LNPEP: variants seen among roughly 807,000 people sequenced by gnomAD.
LNPEP encodes leucyl and cystinyl aminopeptidase.
In LNPEP, 64 loss-of-function variants were observed where a neutral mutation model predicts 120.6. The ratio of observed to expected loss-of-function variants is 0.53; its 90% confidence interval spans 0.43 to 0.65. LNPEP has a LOEUF of 0.65. LNPEP is among the 30% of genes least tolerant of loss of function. The pLI, the probability that LNPEP is intolerant of heterozygous loss-of-function variation, is 0.00. For synonymous variants in LNPEP, 435 were observed against 425.4 expected, an observed-to-expected ratio of 1.02 and a Z score of -0.28; for missense variants, 1,057 against 1,200.0, an observed-to-expected ratio of 0.88 and a Z score of 1.76.
intron 11 of LNPEP, among the ~76,000 whole-genome samples, chr5:97,012,383 T>A (rs914788399): frequency 6.6e-6 from 1 of 152,218 alleles, no homozygotes; most frequent in African/African-American, 2.4e-5. Flanking sequence ...AAAATTTTTT[T>A]AAGTATTTGT....
At chr5:97,002,023 CA>C (rs1790664681) in intron 8 of LNPEP, among the ~76,000 whole-genome samples, 1 of 152,100 alleles carries the variant, frequency 6.6e-6, no homozygotes, top group Non-Finnish European at 1.5e-5. Context: ...CCTGTAATCC[CA>C]GCTACTCAGG....
At chr5:96,974,582 C>T (rs1789944130) in intron 1 of LNPEP, among the ~76,000 whole-genome samples, 1 of 152,068 alleles carries the variant, frequency 6.6e-6, no homozygotes, top group African/African-American at 2.4e-5. Flanking sequence ...TTGTCTATAC[C>T]ACATTTTCCT....
At chr5:97,009,116 T>C (rs1790863976) in intron 11 of LNPEP, among the ~76,000 whole-genome samples, 1 of 152,162 alleles carries the variant, frequency 6.6e-6, no homozygotes, top group South Asian at 2.1e-4. Context: ...AAACATGCCA[T>C]ACTGCCTCTT....
Position 96,986,805 on chromosome 5 carries a change from A to G in LNPEP, c.1131+135A>G, listed in dbSNP as rs1456051551. ...CACACTCTGACATTTTATACCAGAA[A>G]TGCTACTTTTTTGCTTAGCTGTTAT... On this transcript the variant is annotated intron_variant, in intron 4 of 17. Transcript: ENST00000231368. 1.6e-5 allele frequency: 13 copies of G among 792,856 alleles called. No homozygotes were observed. The Admixed American group carries it at 3.4e-4, about 21-fold the overall frequency. The allele number at this position is 792,856 out of a possible 1,614,324, so 49.1% of individuals were successfully genotyped here. A position where few individuals can be genotyped will look rare whatever the true frequency, so the allele number is the denominator to read the frequency against.
At chr5:96,992,870 G>C (rs1790425114) in intron 4 of LNPEP, 145 bp from the exon 5 acceptor site, 1 of 561,706 alleles carries the variant, frequency 1.8e-6, no homozygotes, top group Non-Finnish European at 3.0e-6. Context: ...TGGGACTAAA[G>C]TAACCATAAG....
At chr5:96,938,815 T>C (rs1039317094) in intron 1 of LNPEP, among the ~76,000 whole-genome samples, 1 of 152,182 alleles carries the variant, frequency 6.6e-6, no homozygotes, top group African/African-American at 2.4e-5. Flanking sequence ...TTGGGAGGGA[T>C]TGCTATTATG....
intron 1 of LNPEP, among the ~76,000 whole-genome samples, chr5:96,957,083 G>C (rs1008025083): frequency 6.6e-6 from 1 of 151,884 alleles, no homozygotes; most frequent in Non-Finnish European, 1.5e-5. Context: ...TATAATAACC[G>C]CTTTAAAGTA....
At chr5:97,024,813 G>A in intron 15 of LNPEP, 131 bp downstream of exon 15, 1 of 744,986 alleles carries the variant, frequency 1.3e-6, no homozygotes, top group South Asian at 1.9e-5. Flanking sequence ...AAGTTGGACA[G>A]TGTGGTGAGG....
At chr5:96,938,878 A>G (rs2112552489) in intron 1 of LNPEP, among the ~76,000 whole-genome samples, 1 of 151,960 alleles carries the variant, frequency 6.6e-6, no homozygotes, top group South Asian at 2.1e-4. Flanking sequence ...TTTTTTTATG[A>G]AGAGAGATGT....
Position 97,031,312 on chromosome 5 carries a change from G to T in LNPEP, c.*2779G>T, listed in dbSNP as rs187860794. On this transcript the variant is annotated 3_prime_UTR_variant, in exon 18 of 18. Coordinates refer to ENST00000231368, the MANE Select transcript of LNPEP (RefSeq NM_005575.3). ...ATAAAATGGTTAGATATATTAAACTGCAAGTAGTATCAGCTTCACCATAAG... is the reference window on the plus strand; with the variant it reads ...ATAAAATGGTTAGATATATTAAACTTCAAGTAGTATCAGCTTCACCATAAG... The T allele has an allele frequency of 6.6e-6, 1 of 152,194 alleles. No individual in the cohort carries two copies. The highest frequency in any genetic ancestry group is 6.5e-5 in the Admixed American group (1 of 15,286). 9.4% of individuals were successfully genotyped at this position (152,194 alleles called of 1,614,324 possible).
chr5:96,975,239 A>G (rs979536776), intron 1 of LNPEP, among the ~76,000 whole-genome samples: 7 of 152,186 alleles, frequency 4.6e-5, no homozygotes, highest in Non-Finnish European at 8.8e-5. Context: ...TCTGACAGAT[A>G]TATCCTACAC....
At chr5:96,939,814 T>C (rs1011600351) in intron 1 of LNPEP, among the ~76,000 whole-genome samples, 9 of 151,942 alleles carry the variant, frequency 5.9e-5, no homozygotes, top group African/African-American at 2.2e-4. Context: ...AGTATAAAAT[T>C]GTGATTCCAT....
chr5:96,986,432 A>G (rs38033), intron 3 of LNPEP, 107 bp from the exon 4 acceptor site: 446,729 of 1,077,944 alleles, frequency 0.41, 94,217 homozygotes, highest in Non-Finnish European at 0.43. Context: ...ATAATATGCT[A>G]GCATCTTTAC....
At chr5:96,946,853 A>G (rs1241786966) in intron 1 of LNPEP, among the ~76,000 whole-genome samples, 1 of 152,228 alleles carries the variant, frequency 6.6e-6, no homozygotes, top group Non-Finnish European at 1.5e-5. Context: ...AAATAAATGT[A>G]TTCACCAACT....
At chr5:96,999,065 G>T (rs957814360) in intron 8 of LNPEP, among the ~76,000 whole-genome samples, 117 of 152,142 alleles carry the variant, frequency 7.7e-4, no homozygotes, top group African/African-American at 2.6e-3. Flanking sequence ...AGAAGAGAAA[G>T]TTGAGTGGGG....
chr5:96,974,466 C>T (rs1789942160), intron 1 of LNPEP, among the ~76,000 whole-genome samples: 1 of 152,150 alleles, frequency 6.6e-6, no homozygotes, highest in Admixed American at 6.6e-5. Flanking sequence ...CCTACTCCTT[C>T]ACCTCCACAT....
In LNPEP at chr5:97,033,861, A is replaced by C. The variant is rs1173620195; in HGVS notation, c.*5328A>C. On this transcript the variant is annotated 3_prime_UTR_variant, in exon 18 of 18. Transcript: ENST00000231368. ...TAGGTTCCTAATGAGCCATGGAGTT[A>C]TGGATGTATAACAATCTGTTCTCCC... The C allele has an allele frequency of 6.6e-6, 1 of 152,030 alleles. No homozygotes were observed. Among genetic ancestry groups the C allele is most frequent in the African/African-American group, 2.4e-5 (1 of 41,360 alleles). The allele number at this position is 152,030 out of a possible 1,614,324, so 9.4% of individuals were successfully genotyped here. A position where few individuals can be genotyped will look rare whatever the true frequency, so the allele number is the denominator to read the frequency against.
At chr5:96,971,475 A>C (rs1016808552) in intron 1 of LNPEP, among the ~76,000 whole-genome samples, 1 of 151,480 alleles carries the variant, frequency 6.6e-6, no homozygotes, top group African/African-American at 2.4e-5. Context: ...TTATTTCTTC[A>C]GATATTTTCT....
Position 96,970,559 on chromosome 5 carries a change from A to G in LNPEP, c.20-8579A>G, listed in dbSNP as rs1190087885. Among the ~76,000 whole-genome samples the G allele has an allele frequency of 3.9e-5, 6 of 151,968 alleles. No individual in the cohort carries two copies. The South Asian group carries it at 1.0e-3, about 26-fold the overall frequency. ...TCAGGTTTAAGTCTACCATGTTGCC[A>G]CTGTTTTCATTTGTTCCTTTTGTTT... On this transcript the variant is annotated intron_variant, in intron 1 of 17. Transcript: ENST00000231368.
Sources: allele counts gnomAD v4.1 joint callset (sites outside exome capture counted in the v4.1 genomes callset), GRCh38; gene constraint gnomAD v4.1.1; transcripts MANE v1.5; gene names NCBI Gene and HGNC (gene_info 2026-07-23, HGNC 2026-07-21).